The following SLTM variants were observed in gnomAD, a reference collection of about 807,000 sequenced individuals.
SLTM encodes the protein SAFB-like transcription modulator.
Under a neutral mutation model 134.6 loss-of-function variants are expected in SLTM, and 43 were observed. The observed-to-expected ratio is 0.32, with a 90% CI of 0.25 to 0.41. SLTM has a LOEUF of 0.41. SLTM is among the 10% of genes least tolerant of loss of function. SLTM has a pLI of 1.00. For synonymous variants in SLTM, 424 were observed against 432.3 expected (o/e 0.98, Z 0.24); for missense variants, 1,055 against 1,288.8 (o/e 0.82, Z 2.78).
chr15:58,883,591 T>C (rs766083075), intron 20 of SLTM, 35 bp downstream of exon 20: 2 of 1,611,936 alleles, frequency 1.2e-6, no homozygotes, highest in East Asian at 4.5e-5. Flanking sequence ...AAAGTGTTGG[T>C]TGTGTGCTGG....
intron 20 of SLTM, among the ~76,000 whole-genome samples, chr15:58,882,010 A>G (rs1409879773): frequency 3.3e-5 from 5 of 151,744 alleles, no homozygotes; most frequent in Non-Finnish European, 2.9e-5. Context: ...GGAGTTCAAG[A>G]CCAGCCTGGC....
intron 6 of SLTM, 109 bp from the exon 7 acceptor site, chr15:58,900,046 A>T: frequency 6.9e-6 from 5 of 722,894 alleles, no homozygotes; most frequent in South Asian, 2.2e-5. Context: ...ATTAGCACTG[A>T]TGGAAGTTAG....
intron 2 of SLTM, among the ~76,000 whole-genome samples, chr15:58,920,662 T>TAAATAAATAAAA (rs1422520048): frequency 1.5e-5 from 2 of 135,600 alleles, no homozygotes; most frequent in South Asian, 2.6e-4. Context: ...AATAAATAAA[T>TAAATAAATAAAA]AAAAATTTTT....
At position 58,892,986 on chromosome 15, in the gene SLTM, C is replaced by A; in HGVS notation, c.1809G>T (p.Glu603Asp). The A allele has an allele frequency of 6.2e-7, 1 of 1,613,304 alleles. No homozygotes were observed. Among genetic ancestry groups the A allele is most frequent in the Non-Finnish European group, 8.5e-7 (1 of 1,179,502 alleles). The stretch of plus-strand genomic sequence containing the variant: ...CCTTCATCTTTTCAAAAGGCAAGAT[C>A]TCTTTCCTTCTGTAGTCTTTATCTC... ...KKRDKDYRRK[E>D]ILPFEKMKEQ... Residue 603 changes from glutamate (E) to aspartate (D), a missense_variant, in exon 14 of 21, where the codon GAG becomes GAT. This residue lies in a region of SLTM where 776 missense variants were observed against 962.2 expected (regional missense o/e 0.81). Coordinates refer to ENST00000380516, the MANE Select transcript of SLTM (RefSeq NM_024755.4).
At position 58,933,384 on chromosome 15, in the gene SLTM, CG is replaced by C; in HGVS notation, c.162+19del. The C allele has an allele frequency of 6.4e-7, 1 of 1,567,990 alleles. No individual in the cohort carries two copies. Among genetic ancestry groups the C allele is most frequent in the Non-Finnish European group, 8.6e-7 (1 of 1,156,176 alleles). ...CTAAGTTCCCCTTCCCGGTCCTTTC[CG>C]GTCCTCGCCGGGCCTCACCTGCTTG... On this transcript the variant is annotated intron_variant, in intron 1 of 20. Transcript: ENST00000380516.
At chr15:58,932,551 TG>T (rs1279538732) in intron 1 of SLTM, 108 bp from the exon 2 acceptor site, 2 of 694,494 alleles carry the variant, frequency 2.9e-6, no homozygotes, top group African/African-American at 3.6e-5. Context: ...ACATTAGAAT[TG>T]CCAGTCATTT....
In SLTM at chr15:58,879,310, A is replaced by G. The variant is rs879287258; in HGVS notation, c.*689T>C. The G allele has an allele frequency of 6.6e-6, 1 of 152,364 alleles. No individual in the cohort carries two copies. The highest frequency in any genetic ancestry group is 1.5e-5 in the Non-Finnish European group (1 of 68,044). The allele number at this position is 152,364 out of a possible 1,614,324, so 9.4% of individuals were successfully genotyped here. A position where few individuals can be genotyped will look rare whatever the true frequency, so the allele number is the denominator to read the frequency against. On this transcript the variant is annotated 3_prime_UTR_variant, in exon 21 of 21. Coordinates refer to ENST00000380516, the MANE Select transcript of SLTM (RefSeq NM_024755.4). ...ACCTTGTGAAACAAACCTCATGGCC[A>G]AGGTTTCATGAATCTATTTGGTTTC...
At chr15:58,890,032 A>G (rs2034534449) in intron 15 of SLTM, 3 of 524,322 alleles carry the variant, frequency 5.7e-6, no homozygotes, top group East Asian at 3.2e-5. Context: ...TCATAGTCCT[A>G]TGCTCAGACT....
intron 5 of SLTM, among the ~76,000 whole-genome samples, chr15:58,910,640 T>A (rs900473146): frequency 1.3e-5 from 2 of 152,224 alleles, no homozygotes; most frequent in South Asian, 4.1e-4. Flanking sequence ...GAAGCTAATA[T>A]CTAGCTGCCA....
Position 58,901,245 on chromosome 15 carries a change from T to C in SLTM, c.589+15A>G, listed in dbSNP as rs374554843. 43 of 1,598,262 alleles carry C rather than the reference T, an allele frequency of 2.7e-5. No homozygotes were observed. Among genetic ancestry groups the C allele is most frequent in the Non-Finnish European group, 1.3e-5 (15 of 1,172,696 alleles). On this transcript the variant is annotated intron_variant, in intron 6 of 20. Transcript: ENST00000380516. ...CTAAATTTTAGCAATTTTTAAGCTCTAGCATCAAACATACCTTTCTCATTT... is the reference window on the plus strand; with the variant it reads ...CTAAATTTTAGCAATTTTTAAGCTCCAGCATCAAACATACCTTTCTCATTT...
chr15:58,893,503 T>C (rs1250942092), intron 12 of SLTM, 139 bp from the exon 13 acceptor site: 6 of 655,056 alleles, frequency 9.2e-6, no homozygotes, highest in East Asian at 2.8e-5. Flanking sequence ...AGAACTTCAA[T>C]GCAAAGAGTT....
intron 15 of SLTM, 59 bp from the exon 16 acceptor site, chr15:58,889,613 T>A: frequency 6.2e-7 from 1 of 1,600,054 alleles, no homozygotes; most frequent in Non-Finnish European, 8.5e-7. Context: ...AAGATAAGTA[T>A]ACATGCAACC....
At chr15:58,932,540 G>A (rs1253023238) in intron 1 of SLTM, 97 bp from the exon 2 acceptor site, 1 of 809,590 alleles carries the variant, frequency 1.2e-6, no homozygotes, top group African/African-American at 1.7e-5. Context: ...CAAGCCTCAA[G>A]ACATTAGAAT....
Position 58,893,853 on chromosome 15 carries a change from G to A in SLTM, c.1616C>T (p.Ser539Leu), listed in dbSNP as rs768927167. The A allele has an allele frequency of 1.2e-5, 20 of 1,610,006 alleles. No homozygotes were observed. The highest frequency in any genetic ancestry group is 8.9e-5 in the East Asian group (4 of 44,760). ...DNGASGQTSE[S>L]IKKSEEKKRI... is the part of the protein sequence containing the mutation. ...CTTCTTTTCTTCACTTTTTTTAATCGATTCTGATGTTTGGCCACTTGCTCC... is the reference window on the plus strand; with the variant it reads ...CTTCTTTTCTTCACTTTTTTTAATCAATTCTGATGTTTGGCCACTTGCTCC... The change falls in exon 12 of 21, where the codon TCG becomes TTG. Residue 539 changes from serine (S) to leucine (L), a missense_variant. Coordinates refer to ENST00000380516, the MANE Select transcript of SLTM (RefSeq NM_024755.4).
chr15:58,912,722 C>T lies in SLTM; in HGVS notation c.514-112G>A, dbSNP rs556020036. ...TGCCTTGTGTTCTGTATAATATCTGCGATACCATGGGTACTAAATCAATGC... is the reference window on the plus strand; with the variant it reads ...TGCCTTGTGTTCTGTATAATATCTGTGATACCATGGGTACTAAATCAATGC... On this transcript the variant is annotated intron_variant, in intron 4 of 20. Coordinates refer to ENST00000380516, the MANE Select transcript of SLTM (RefSeq NM_024755.4). 1.7e-4 allele frequency: 138 copies of T among 821,194 alleles called. 5 individuals carry two copies. The South Asian group carries it at 1.8e-3, about 11-fold the overall frequency. 50.9% of individuals were successfully genotyped at this position (821,194 alleles called of 1,614,324 possible).
intron 2 of SLTM, among the ~76,000 whole-genome samples, chr15:58,928,895 A>G (rs190804507): frequency 2.6e-3 from 401 of 152,320 alleles, no homozygotes; most frequent in African/African-American, 9.0e-3. Flanking sequence ...GAAAAACGAT[A>G]CTGATTTCCT....
intron 2 of SLTM, among the ~76,000 whole-genome samples, chr15:58,925,114 T>G (rs2037367930): frequency 6.6e-6 from 1 of 151,970 alleles, no homozygotes; most frequent in Admixed American, 6.6e-5. Context: ...AAATTTCTGT[T>G]GCAAGGGAGG....
Position 58,894,439 on chromosome 15 carries a change from A to G in SLTM, c.1371T>C (p.Val457=). 1.2e-6 allele frequency: 2 copies of G among 1,613,994 alleles called. No homozygotes were observed. The highest frequency in any genetic ancestry group is 1.7e-6 in the Non-Finnish European group (2 of 1,179,964). Residue 457 remains valine, a synonymous_variant, in exon 10 of 21, where the codon GTT becomes GTC. Transcript: ENST00000380516. ...AACAGTTAGGGAAGCTTACTTTTTC[A>G]ACAGAAATCAGCTGTCCATGCAGCT... ...RTELHGQLIS[V]EKVKGDPSKK...
chr15:58,885,719 G>A (rs2140944492), intron 19 of SLTM, among the ~76,000 whole-genome samples: 1 of 152,184 alleles, frequency 6.6e-6, no homozygotes, highest in African/African-American at 2.4e-5. Flanking sequence ...GGGAGGCGGA[G>A]GTTGCCGTGA....
Sources: allele counts gnomAD v4.1 joint callset (sites outside exome capture counted in the v4.1 genomes callset), GRCh38; gene constraint gnomAD v4.1.1; regional missense constraint gnomAD v4.1.1; transcripts MANE v1.5; gene names NCBI Gene and HGNC (gene_info 2026-07-23, HGNC 2026-07-21).